The following DGKB variants were observed in gnomAD, a reference collection of about 807,000 sequenced individuals.
DGKB encodes the protein diacylglycerol kinase beta, also known as 90 kDa diacylglycerol kinase.
In DGKB, 67 loss-of-function variants were observed where a neutral mutation model predicts 114.3. The observed-to-expected ratio is 0.59, with a 90% CI of 0.48 to 0.72. The LOEUF is 0.72. Ranked by LOEUF, DGKB falls within the 30% of genes least tolerant of loss-of-function variation. The pLI, the probability that DGKB is intolerant of heterozygous loss-of-function variation, is 0.00. For synonymous variants in DGKB, 398 were observed against 323.1 expected (o/e 1.23, Z -2.49); for missense variants, 907 against 975.2 (o/e 0.93, Z 0.93).
chr7:14,609,635 T>G (rs1312978076), intron 16 of DGKB, among the ~76,000 whole-genome samples: 1 of 151,626 alleles, frequency 6.6e-6, no homozygotes, highest in Non-Finnish European at 1.5e-5. Context: ...CCAACAAAGG[T>G]GTAATATCCA....
chr7:14,955,841 A>G (rs1481573029), intron 1 of DGKB, among the ~76,000 whole-genome samples: 1 of 152,022 alleles, frequency 6.6e-6, no homozygotes. Flanking sequence ...AATTCTTGTT[A>G]CAAATAATAT....
At position 14,469,009 on chromosome 7, in the gene DGKB, A is replaced by G. The variant is rs532089502; in HGVS notation, c.1835+9152T>C. Reference sequence around the variant, plus strand: ...TAAAATGTAAGTGTCTTGCAAACAGAAACTAGAAATAAATATTTCTGTTTT... The same window carrying G: ...TAAAATGTAAGTGTCTTGCAAACAGGAACTAGAAATAAATATTTCTGTTTT... On this transcript the variant is annotated intron_variant, in intron 21 of 25. Transcript: ENST00000402815. Among the ~76,000 whole-genome samples the G allele has an allele frequency of 4.6e-5, 7 of 152,236 alleles. No homozygotes were observed. In the East Asian group the frequency reaches 1.3e-3, roughly 29 times the overall value.
intron 13 of DGKB, among the ~76,000 whole-genome samples, chr7:14,642,876 T>C (rs1474754723): frequency 6.6e-6 from 1 of 152,200 alleles, no homozygotes; most frequent in Non-Finnish European, 1.5e-5. Context: ...CAGACATATA[T>C]AATACTCTTT....
At chr7:14,277,980 A>G (rs1273768381) in intron 23 of DGKB, among the ~76,000 whole-genome samples, 1 of 152,224 alleles carries the variant, frequency 6.6e-6, no homozygotes, top group Non-Finnish European at 1.5e-5. Flanking sequence ...GACATGAGGT[A>G]TCTCACAGTG....
At chr7:14,236,115 G>T (rs561560602) in intron 23 of DGKB, among the ~76,000 whole-genome samples, 15 of 151,958 alleles carry the variant, frequency 9.9e-5, no homozygotes, top group Non-Finnish European at 2.2e-4. Flanking sequence ...GAAAAAAATT[G>T]AGAGTGATGT....
intron 21 of DGKB, among the ~76,000 whole-genome samples, chr7:14,381,659 T>C (rs192615499): frequency 1.0e-3 from 153 of 152,254 alleles, no homozygotes; most frequent in Non-Finnish European, 1.9e-3. Context: ...GTGCAGTGGC[T>C]ATCCACAGGC....
At chr7:14,746,498 C>A (rs938028149) in intron 4 of DGKB, among the ~76,000 whole-genome samples, 1 of 151,866 alleles carries the variant, frequency 6.6e-6, no homozygotes, top group Admixed American at 6.6e-5. Context: ...TTTAATTTTC[C>A]TTTTTTTATT....
chr7:14,206,688 C>T (rs1786878623), intron 23 of DGKB, among the ~76,000 whole-genome samples: 1 of 151,886 alleles, frequency 6.6e-6, no homozygotes, highest in African/African-American at 2.4e-5. Context: ...AGTTTCTATA[C>T]CCATAAAATA....
At chr7:14,923,931 G>A (rs76516602) in intron 1 of DGKB, among the ~76,000 whole-genome samples, 1 of 137,948 alleles carries the variant, frequency 7.2e-6, no homozygotes, top group East Asian at 2.7e-4. Flanking sequence ...GGAGGCGGAG[G>A]TTGCAGTGAG....
intron 1 of DGKB, among the ~76,000 whole-genome samples, chr7:14,893,021 G>A (rs867899981): frequency 8.6e-5 from 13 of 150,668 alleles, no homozygotes; most frequent in South Asian, 6.2e-4. Context: ...TACACTTTTC[G>A]TAGATATTTA....
chr7:14,732,992 T>A (rs1331531949), intron 5 of DGKB, among the ~76,000 whole-genome samples: 2 of 152,212 alleles, frequency 1.3e-5, no homozygotes, highest in East Asian at 3.8e-4. Flanking sequence ...GACAATATTG[T>A]ATCTTATAGA....
chr7:14,360,355 C>T (rs879590184), intron 21 of DGKB, among the ~76,000 whole-genome samples: 2 of 151,630 alleles, frequency 1.3e-5, no homozygotes, highest in Admixed American at 6.6e-5. Context: ...GGAGAAATAC[C>T]GAATGTAAGT....
At chr7:14,608,969 G>A (rs558371101) in intron 16 of DGKB, among the ~76,000 whole-genome samples, 24 of 152,052 alleles carry the variant, frequency 1.6e-4, no homozygotes, top group African/African-American at 4.6e-4. Context: ...AATCACTATC[G>A]TTAAATGGCT....
At chr7:14,420,481 G>T (rs1826482002) in intron 21 of DGKB, among the ~76,000 whole-genome samples, 1 of 151,974 alleles carries the variant, frequency 6.6e-6, no homozygotes, top group Admixed American at 6.6e-5. Flanking sequence ...AGATTTGGGT[G>T]GGGAGCAGTA....
At chr7:14,845,106 C>CAAAAAAAAAAAAAAAAAAAAAAAAAAA (rs59367496) in intron 1 of DGKB, among the ~76,000 whole-genome samples, 2 of 89,266 alleles carry the variant, frequency 2.2e-5, no homozygotes, top group Admixed American at 1.2e-4. Flanking sequence ...GGCCCTGTGT[C>CAAAAAAAAAAAAAAAAAAAAAAAAAAA]AAAAAAAAAA....
chr7:14,878,195 G>A (rs1026636907), intron 1 of DGKB, among the ~76,000 whole-genome samples: 3 of 152,116 alleles, frequency 2.0e-5, no homozygotes, highest in African/African-American at 7.2e-5. Context: ...AATATTCATG[G>A]CAATAATAAT....
intron 2 of DGKB, among the ~76,000 whole-genome samples, chr7:14,795,825 G>T (rs1355304184): frequency 3.9e-5 from 6 of 152,218 alleles, no homozygotes; most frequent in Admixed American, 3.3e-4. Context: ...CTGTCAAATT[G>T]TTACTTAATC....
chr7:14,889,129 T>C (rs570783767), intron 1 of DGKB, among the ~76,000 whole-genome samples: 27 of 151,798 alleles, frequency 1.8e-4, no homozygotes, highest in African/African-American at 6.0e-4. Flanking sequence ...CTCAGCTATG[T>C]TTAGCATTCA....
intron 6 of DGKB, among the ~76,000 whole-genome samples, chr7:14,712,015 A>G (rs1456787065): frequency 6.6e-6 from 1 of 152,204 alleles, no homozygotes; most frequent in Non-Finnish European, 1.5e-5. Flanking sequence ...GGAAGAAAAC[A>G]ACAAAGCAGG....
Sources: allele counts gnomAD v4.1 joint callset (sites outside exome capture counted in the v4.1 genomes callset), GRCh38; gene constraint gnomAD v4.1.1; transcripts MANE v1.5; gene names NCBI Gene and HGNC (gene_info 2026-07-23, HGNC 2026-07-21).